The following TANGO6 variants were observed in gnomAD, a reference collection of about 807,000 sequenced individuals.
The protein encoded by TANGO6 is transport and golgi organization 6 homolog.
In TANGO6, 90 loss-of-function variants were observed where a neutral mutation model predicts 114.2. That is an observed-to-expected ratio of 0.79 (90% CI 0.66 to 0.94). TANGO6 has a LOEUF of 0.94. TANGO6 is among the 40% of genes least tolerant of loss of function. The pLI, the probability that TANGO6 is intolerant of heterozygous loss-of-function variation, is 0.00. For synonymous variants in TANGO6, 477 were observed against 509.8 expected, an observed-to-expected ratio of 0.94 and a Z score of 0.87; for missense variants, 1,274 against 1,315.3, an observed-to-expected ratio of 0.97 and a Z score of 0.49.
chr16:68,919,267 GA>G, intron 12 of TANGO6, 48 bp downstream of exon 12: 1 of 1,592,748 alleles, frequency 6.3e-7, no homozygotes, highest in Non-Finnish European at 8.6e-7. Flanking sequence ...AGGGAGAAGC[GA>G]AATACCAGTT....
chr16:69,041,485 CAT>C (rs1228863900), intron 17 of TANGO6, among the ~76,000 whole-genome samples: 1 of 151,644 alleles, frequency 6.6e-6, no homozygotes, highest in Non-Finnish European at 1.5e-5. Context: ...CACACACACA[CAT>C]ACATGGGCTT....
At chr16:68,977,404 G>T (rs1282190541) in intron 15 of TANGO6, among the ~76,000 whole-genome samples, 4 of 149,542 alleles carry the variant, frequency 2.7e-5, no homozygotes, top group African/African-American at 9.8e-5. Flanking sequence ...TTTTTGAGAT[G>T]GAGTCTTAGC....
At chr16:68,948,834 G>A (rs1275704645) in intron 14 of TANGO6, among the ~76,000 whole-genome samples, 6 of 152,206 alleles carry the variant, frequency 3.9e-5, no homozygotes, top group African/African-American at 1.4e-4. Context: ...AATCATTAGT[G>A]TTTCAGCATT....
intron 14 of TANGO6, among the ~76,000 whole-genome samples, chr16:68,968,007 G>GAA (rs940895885): frequency 1.3e-5 from 2 of 148,680 alleles, no homozygotes; most frequent in African/African-American, 4.9e-5. Flanking sequence ...CTTGGGGGAA[G>GAA]AAAAAAAAAC....
At chr16:68,887,574 A>G (rs1567532519) in intron 7 of TANGO6, among the ~76,000 whole-genome samples, 2 of 152,174 alleles carry the variant, frequency 1.3e-5, no homozygotes, top group Non-Finnish European at 2.9e-5. Context: ...AGGATTGCAT[A>G]TTAGAAATAT....
rs566796827 is a variant in TANGO6 at position 68,902,314 on chromosome 16, G to A, written c.1491-14G>A. Reference sequence around the variant, plus strand: ...TAAGATGACAAGCTCATTCATAACTGCTTTTTCTGCCAGGTCACTTTGCCA... The same window carrying A: ...TAAGATGACAAGCTCATTCATAACTACTTTTTCTGCCAGGTCACTTTGCCA... On this transcript the variant is annotated splice_polypyrimidine_tract_variant and intron_variant, in intron 8 of 17. Transcript: ENST00000261778. The A allele has an allele frequency of 6.2e-7, 1 of 1,603,454 alleles. No homozygotes were observed. The highest frequency in any genetic ancestry group is 1.1e-5 in the South Asian group (1 of 89,014).
intron 16 of TANGO6, among the ~76,000 whole-genome samples, chr16:69,038,431 A>C (rs1331660441): frequency 6.8e-6 from 1 of 147,984 alleles, no homozygotes; most frequent in Non-Finnish European, 1.5e-5. Context: ...TCCTGTTTCA[A>C]AAAAAAAAAA....
In TANGO6 at chr16:68,902,994, T is replaced by TATTTC. The variant is rs1449132752; in HGVS notation, c.1667+491_1667+495dup. On this transcript the variant is annotated intron_variant, in intron 9 of 17. Coordinates refer to ENST00000261778, the MANE Select transcript of TANGO6 (RefSeq NM_024562.2). The stretch of plus-strand genomic sequence containing the variant: ...ATAAATATTAGTGGAATGGATCATT[T>TATTTC]ATTTCTCCAGCATCTCACAATTGCA... Among the ~76,000 whole-genome samples the TATTTC allele has an allele frequency of 2.0e-5, 3 of 152,340 alleles. No homozygotes were observed. The East Asian group carries it at 5.8e-4, about 29-fold the overall frequency.
intron 12 of TANGO6, among the ~76,000 whole-genome samples, chr16:68,925,843 C>T (rs930437506): frequency 7.3e-6 from 1 of 137,322 alleles, no homozygotes; most frequent in Non-Finnish European, 1.5e-5. Flanking sequence ...GCCAGTTGTT[C>T]CAGCACCATT....
At chr16:68,870,613 A>G (rs985472746) in intron 4 of TANGO6, among the ~76,000 whole-genome samples, 1 of 151,994 alleles carries the variant, frequency 6.6e-6, no homozygotes. Context: ...GCATGTATAT[A>G]TTTGTTGTTA....
chr16:68,884,265 A>G (rs529318004), intron 7 of TANGO6, among the ~76,000 whole-genome samples: 4 of 152,298 alleles, frequency 2.6e-5, no homozygotes, highest in South Asian at 4.1e-4. Flanking sequence ...TAATTTCACT[A>G]TTTTTGAAAA....
chr16:68,882,324 G>A (rs551473968), intron 7 of TANGO6, among the ~76,000 whole-genome samples: 5 of 151,714 alleles, frequency 3.3e-5, no homozygotes, highest in South Asian at 4.2e-4. Context: ...GTGAAACCCC[G>A]TCTCTACTAA....
At chr16:68,979,846 C>CT (rs775591234) in intron 15 of TANGO6, among the ~76,000 whole-genome samples, 6,750 of 136,258 alleles carry the variant, frequency 0.05, 196 homozygotes, top group Non-Finnish European at 0.071. Context: ...TGTTTTTTGA[C>CT]TTTTTTTTTT....
chr16:69,058,814 C>T (rs986477751), intron 17 of TANGO6, among the ~76,000 whole-genome samples: 10 of 151,854 alleles, frequency 6.6e-5, no homozygotes, highest in Admixed American at 3.9e-4. Context: ...TACAGGCGCC[C>T]GCCACCACAC....
At chr16:68,971,236 C>A (rs1408860649) in intron 14 of TANGO6, among the ~76,000 whole-genome samples, 1 of 151,854 alleles carries the variant, frequency 6.6e-6, no homozygotes, top group Non-Finnish European at 1.5e-5. Flanking sequence ...ATAACACCTG[C>A]CAGAATTGCA....
chr16:69,006,772 A>G (rs997894356), intron 15 of TANGO6, among the ~76,000 whole-genome samples: 4 of 152,136 alleles, frequency 2.6e-5, no homozygotes, highest in African/African-American at 9.7e-5. Flanking sequence ...AAAAACAAAA[A>G]CAAACTTATT....
In TANGO6 at chr16:68,862,975, A is replaced by T; in HGVS notation, c.766A>T (p.Arg256Trp). The T allele has an allele frequency of 1.3e-6, 2 of 1,599,450 alleles. No individual in the cohort carries two copies. Among genetic ancestry groups the T allele is most frequent in the Non-Finnish European group, 1.7e-6 (2 of 1,173,150 alleles). The change falls in exon 3 of 18, where the codon AGG (arginine) becomes TGG (tryptophan). Residue 256 changes from arginine (R) to tryptophan (W), a missense_variant. By Grantham distance (101) the Arg-to-Trp change is moderately radical. This residue lies in a region of TANGO6 where 908 missense variants were observed against 910.2 expected (regional missense o/e 1.00). Coordinates refer to ENST00000261778, the MANE Select transcript of TANGO6 (RefSeq NM_024562.2). Reference protein sequence around the residue: ...VLTEEERTLSRGALRDMLDQV... With the variant: ...VLTEEERTLSWGALRDMLDQV... ...AACTGAAGAGGAGAGAACCCTATCC[A>T]GGGGGGCCTTGAGAGACATGCTGGA...
chr16:68,913,935 A>C (rs1179417862), intron 11 of TANGO6, among the ~76,000 whole-genome samples: 1 of 152,078 alleles, frequency 6.6e-6, no homozygotes, highest in Non-Finnish European at 1.5e-5. Context: ...TTTACTCTTA[A>C]GAGATGTTGA....
chr16:68,927,855 C>T lies in TANGO6; in HGVS notation c.2415C>T (p.Pro805=). Residue 805 remains proline (P), a synonymous_variant, in exon 13 of 18, where the codon CCC becomes CCT. Transcript: ENST00000261778. ...LEQQQSHETA[P]QTGLQSNAPI... ...AACAGCAGAGCCATGAGACAGCCCCCCAGACAGGCCTGCAGTCAAATGCTC... is the reference window on the plus strand; with the variant it reads ...AACAGCAGAGCCATGAGACAGCCCCTCAGACAGGCCTGCAGTCAAATGCTC... The T allele has an allele frequency of 1.2e-6, 2 of 1,613,978 alleles. No individual in the cohort carries two copies. The highest frequency in any genetic ancestry group is 2.2e-5 in the East Asian group (1 of 44,890).
Sources: gnomAD v4.1 joint callset for allele counts (sites outside exome capture counted in the v4.1 genomes callset) on GRCh38, gnomAD v4.1.1 for gene constraint, gnomAD v4.1.1 regional missense constraint, MANE v1.5 for transcripts, NCBI Gene and HGNC (gene_info 2026-07-23, HGNC 2026-07-21) for gene names.